CSMD2: variants seen among roughly 807,000 people sequenced by gnomAD.
CSMD2 encodes the protein CUB and sushi domain-containing protein 2.
A neutral mutation model predicts 398.5 loss-of-function variants in CSMD2; 130 were observed. The ratio of observed to expected loss-of-function variants is 0.33; its 90% CI spans 0.28 to 0.38. The LOEUF (loss-of-function observed/expected upper bound fraction) is 0.38, where lower values mean the gene tolerates loss of function less well. Among genes scored for constraint, CSMD2 ranks in the 10% least tolerant of loss-of-function variants. The probability of loss-of-function intolerance (pLI) is 1.00; values close to 1 mark genes in which losing one functional copy is unlikely to be tolerated. For missense variants in CSMD2, 3,829 were observed against 4,764.9 expected, an observed-to-expected ratio of 0.80 and a Z score of 5.78; for synonymous variants, 1,828 against 1,908.5, an observed-to-expected ratio of 0.96 and a Z score of 1.10.
chr1:33,720,313 GC>G (rs1300873170), intron 19 of CSMD2, among the ~76,000 whole-genome samples: 3 of 152,204 alleles, frequency 2.0e-5, no homozygotes, highest in Non-Finnish European at 4.4e-5. Context: ...TGATGAAAAT[GC>G]AAGTTCTCTA....
chr1:33,555,330 T>C (rs967128435), intron 55 of CSMD2, among the ~76,000 whole-genome samples: 20 of 152,210 alleles, frequency 1.3e-4, no homozygotes, highest in African/African-American at 4.6e-4. Context: ...AGCTGCTTCT[T>C]GTGGATGAGC....
At chr1:34,034,103 T>C (rs887945421) in intron 2 of CSMD2, among the ~76,000 whole-genome samples, 1 of 152,114 alleles carries the variant, frequency 6.6e-6, no homozygotes, top group African/African-American at 2.4e-5. Flanking sequence ...AATGAAATCA[T>C]ACATATTATA....
chr1:33,796,641 A>G (rs2124899155), intron 10 of CSMD2, among the ~76,000 whole-genome samples: 1 of 152,336 alleles, frequency 6.6e-6, no homozygotes, highest in South Asian at 2.1e-4. Context: ...TGTTTGAACA[A>G]TATGAAATCA....
At position 33,686,009 on chromosome 1, in the gene CSMD2, C is replaced by T. The variant is rs12067897; in HGVS notation, c.4052+6921G>A. Reference sequence around the variant, plus strand: ...GGAAAGAGCAAAGACTGACATTAGACGGAACATGTTCCAATCCCACATTAC... The same window carrying T: ...GGAAAGAGCAAAGACTGACATTAGATGGAACATGTTCCAATCCCACATTAC... On this transcript the variant is annotated intron_variant, in intron 25 of 70. Transcript: ENST00000373381. Among the ~76,000 whole-genome samples, 767 of 152,302 alleles carry T rather than the reference C, an allele frequency of 5.0e-3. 8 individuals are homozygous for T. The highest frequency in any genetic ancestry group is 0.016 in the African/African-American group (680 of 41,556).
In CSMD2 at chr1:33,636,583, C is replaced by G; in HGVS notation, c.4775-29G>C. Reference sequence around the variant, plus strand: ...GGAAAAAGAAATACAAACACGTGCACACACACAGAGGGCTCATGAGGAGGC... The same window carrying G: ...GGAAAAAGAAATACAAACACGTGCAGACACACAGAGGGCTCATGAGGAGGC... On this transcript the variant is annotated intron_variant, in intron 29 of 70. Coordinates refer to ENST00000373381, the MANE Select transcript of CSMD2 (RefSeq NM_001281956.2). This position sits in a 1 kb window ranked among gnomAD's most constrained non-coding sequence, Gnocchi z 4.8. 6.2e-7 allele frequency: 1 copy of G among 1,601,806 alleles called. No individual in the cohort carries two copies. The highest frequency in any genetic ancestry group is 8.5e-7 in the Non-Finnish European group (1 of 1,169,808).
intron 55 of CSMD2, among the ~76,000 whole-genome samples, chr1:33,554,944 T>C (rs749895676): frequency 6.6e-6 from 1 of 152,196 alleles, no homozygotes; most frequent in Non-Finnish European, 1.5e-5. Context: ...CTGCAGCCCA[T>C]GGATCAAGAA....
intron 13 of CSMD2, among the ~76,000 whole-genome samples, chr1:33,757,211 G>C (rs1301405217): frequency 6.6e-6 from 1 of 152,060 alleles, no homozygotes; most frequent in Admixed American, 6.5e-5. Flanking sequence ...AAAGCTAAAT[G>C]ACGAGTTAAT....
chr1:33,554,094 A>T (rs1164251801), intron 55 of CSMD2, among the ~76,000 whole-genome samples: 3 of 152,084 alleles, frequency 2.0e-5, no homozygotes, highest in Non-Finnish European at 2.9e-5. Context: ...GCTGATGTGG[A>T]AGCTATAGCA....
chr1:34,114,563 T>C (rs572017032), intron 1 of CSMD2, among the ~76,000 whole-genome samples: 2 of 152,168 alleles, frequency 1.3e-5, no homozygotes, highest in Admixed American at 1.3e-4. Flanking sequence ...TAGCTGGGCA[T>C]AGTGGTACAC....
At chr1:33,804,528 G>A (rs1208195549) in intron 10 of CSMD2, among the ~76,000 whole-genome samples, 1 of 149,018 alleles carries the variant, frequency 6.7e-6, no homozygotes, top group Non-Finnish European at 1.5e-5. Flanking sequence ...CTCTGGACAT[G>A]CCTCCATCAG....
intron 5 of CSMD2, among the ~76,000 whole-genome samples, chr1:33,908,085 C>CAAAAAAAAAAAA (rs35932181): frequency 6.5e-5 from 5 of 77,156 alleles, no homozygotes; most frequent in Admixed American, 1.5e-4. Flanking sequence ...GACTCCATCT[C>CAAAAAAAAAAAA]AAAAAAAAAA....
At chr1:33,846,854 G>A (rs1228137097) in intron 6 of CSMD2, 30 bp downstream of exon 6, 2 of 1,471,058 alleles carry the variant, frequency 1.4e-6, no homozygotes, top group Non-Finnish European at 9.3e-7. Context: ...TGCCCACTGA[G>A]GAAGCCAGAC....
chr1:34,046,548 C>T (rs1206727712), intron 2 of CSMD2, among the ~76,000 whole-genome samples: 2 of 152,108 alleles, frequency 1.3e-5, no homozygotes, highest in Non-Finnish European at 2.9e-5. Context: ...TAGACAAATA[C>T]AGTTGGATCC....
chr1:34,148,591 A>C (rs1639998265), intron 1 of CSMD2, among the ~76,000 whole-genome samples: 1 of 72,562 alleles, frequency 1.4e-5, no homozygotes, highest in African/African-American at 3.2e-5. Flanking sequence ...AAAAGGGCCA[A>C]ACCCCCTCCT....
At chr1:34,056,226 AG>A (rs149251936) in intron 2 of CSMD2, among the ~76,000 whole-genome samples, 2,008 of 152,256 alleles carry the variant, frequency 0.013, 45 homozygotes, top group African/African-American at 0.046. Flanking sequence ...ATATCTCCTC[AG>A]GAACACCTTC....
intron 46 of CSMD2, 50 bp downstream of exon 46, chr1:33,586,454 G>T: frequency 8.2e-7 from 1 of 1,223,252 alleles, no homozygotes; most frequent in Non-Finnish European, 1.2e-6. Flanking sequence ...CAAGAGCTTT[G>T]TTCAGGAGGA....
chr1:33,952,084 C>T (rs1334064635), intron 3 of CSMD2, among the ~76,000 whole-genome samples: 1 of 152,144 alleles, frequency 6.6e-6, no homozygotes, highest in East Asian at 1.9e-4. Flanking sequence ...GCCACAGGAG[C>T]CAAGGTAGAG....
intron 1 of CSMD2, among the ~76,000 whole-genome samples, chr1:34,124,524 T>C (rs1019425159): frequency 6.6e-6 from 1 of 152,158 alleles, no homozygotes; most frequent in Non-Finnish European, 1.5e-5. Flanking sequence ...TGCCTCCTGG[T>C]GCACACTTGC....
chr1:33,732,321 T>A (rs76405638), intron 15 of CSMD2, among the ~76,000 whole-genome samples: 2,229 of 152,292 alleles, frequency 0.015, 63 homozygotes, highest in African/African-American at 0.051. Context: ...ATGGATGGAA[T>A]TGTGTCCTCC....
Sources: allele counts gnomAD v4.1 joint callset (sites outside exome capture counted in the v4.1 genomes callset), GRCh38; gene constraint gnomAD v4.1.1; non-coding constraint Gnocchi (gnomAD v3.1); transcripts MANE v1.5; gene names NCBI Gene and HGNC (gene_info 2026-07-23, HGNC 2026-07-21).